Variants in UBA5 observed in about 807,000 individuals in gnomAD.
UBA5 encodes ubiquitin like modifier activating enzyme 5.
UBA5 carries 28 observed loss-of-function variants against 52.9 expected under a neutral mutation model. The ratio of observed to expected loss-of-function variants is 0.53; its 90% CI spans 0.39 to 0.73. The LOEUF (loss-of-function observed/expected upper bound fraction) is 0.73, where lower values mean the gene tolerates loss of function less well. UBA5 is among the 30% of genes least tolerant of loss of function. UBA5 has a pLI of 0.00. For missense variants in UBA5, 388 were observed against 492.7 expected (o/e 0.79, Z 2.01); for synonymous variants, 135 against 162.1 (o/e 0.83, Z 1.27).
At chr3:132,673,655 T>G (rs907282317) in intron 8 of UBA5, among the ~76,000 whole-genome samples, 3 of 150,660 alleles carry the variant, frequency 2.0e-5, no homozygotes, top group Admixed American at 6.6e-5. Context: ...GCCTAGAGTT[T>G]TCTATAGTAC....
rs1297041991 is a variant in UBA5 at position 132,675,825 on chromosome 3, C to G, written c.1033C>G (p.Leu345Val). ...TAGGATCAAATTTACAGGTATTGAGCTGGTATCTGAGGTTTCAGAAGAGGA... is the reference window on the plus strand; with the variant it reads ...TAGGATCAAATTTACAGGTATTGAGGTGGTATCTGAGGTTTCAGAAGAGGA... ...IHEDNEWGIE[L>V]VSEVSEEELK... Residue 345 changes from leucine to valine, a missense_variant, in exon 11 of 12, where the codon CTG (leucine) becomes GTG (valine). By Grantham distance (32) the Leu-to-Val change is conservative. Around this residue, in one of 3 missense-constraint regions of UBA5, gnomAD observed 277 missense variants for 326.4 expected, o/e 0.85. Coordinates refer to ENST00000356232, the MANE Select transcript of UBA5 (RefSeq NM_024818.6). The G allele has an allele frequency of 1.3e-5, 21 of 1,609,218 alleles. No homozygotes were observed. Among genetic ancestry groups the G allele is most frequent in the Non-Finnish European group, 1.8e-5 (21 of 1,178,056 alleles).
chr3:132,679,470 C>T lies in UBA5; in HGVS notation c.*2944C>T, dbSNP rs930582595. On this transcript the variant is annotated 3_prime_UTR_variant, in exon 12 of 12. Transcript: ENST00000356232. ...TTTATCTTCTTAAGTATGCATTCTACATGAGAACGTTTGGGTTGGTAGTAA... is the reference window on the plus strand; with the variant it reads ...TTTATCTTCTTAAGTATGCATTCTATATGAGAACGTTTGGGTTGGTAGTAA... Among the ~76,000 whole-genome samples the T allele has an allele frequency of 6.6e-6, 1 of 152,096 alleles. No individual in the cohort carries two copies. Among genetic ancestry groups the T allele is most frequent in the Non-Finnish European group, 1.5e-5 (1 of 68,012 alleles).
chr3:132,657,825 T>G (rs560636796), upstream of UBA5, among the ~76,000 whole-genome samples: 1 of 152,030 alleles, frequency 6.6e-6, no homozygotes, highest in African/African-American at 2.4e-5. Context: ...ATTTGTTAGC[T>G]ATCTTCTGTT....
At chr3:132,662,076 G>A (rs1349949513) in intron 1 of UBA5, among the ~76,000 whole-genome samples, 1 of 152,192 alleles carries the variant, frequency 6.6e-6, no homozygotes, top group African/African-American at 2.4e-5. Context: ...ATGAATTTAA[G>A]TTGTCTTTCA....
In UBA5 at chr3:132,660,943, T is replaced by G. The variant is rs1938128037; in HGVS notation, c.161+245T>G. The G allele has an allele frequency of 1.3e-6, 2 of 1,492,834 alleles. No homozygotes were observed. The highest frequency in any genetic ancestry group is 1.8e-6 in the Non-Finnish European group (2 of 1,122,242). 92.5% of individuals were successfully genotyped at this position (1,492,834 alleles called of 1,614,324 possible). A position where few individuals can be genotyped will look rare whatever the true frequency, so the allele number is the denominator to read the frequency against. ...TGCTCCTGTGCCTGCTGAGGACGTG[T>G]GTCCAGTTTCCTATCACCCTTGCCT... On this transcript the variant is annotated intron_variant, in intron 1 of 11. Transcript: ENST00000356232. This position sits in a 1 kb window ranked among gnomAD's most constrained non-coding sequence, Gnocchi z 4.1.
intron 1 of UBA5, among the ~76,000 whole-genome samples, chr3:132,664,919 G>A (rs919260190): frequency 1.7e-4 from 26 of 151,982 alleles, no homozygotes; most frequent in East Asian, 5.8e-4. Context: ...GAAAGTTGGC[G>A]GTTGAATTTG....
At chr3:132,671,648 A>G (rs904763386) in intron 6 of UBA5, 129 bp from the exon 7 acceptor site, 8 of 672,904 alleles carry the variant, frequency 1.2e-5, no homozygotes, top group East Asian at 1.1e-4. Flanking sequence ...TTATCTTACA[A>G]CTTGCCTCAT....
Position 132,675,592 on chromosome 3 carries a change from T to C in UBA5, c.949-13T>C. On this transcript the variant is annotated splice_polypyrimidine_tract_variant and intron_variant, in intron 9 of 11. Coordinates refer to ENST00000356232, the MANE Select transcript of UBA5 (RefSeq NM_024818.6). ...ATGAGTAAGAACACTTTGATGCTGTTTGATTTCTACAGAAAAAGGTAGCAG... is the reference window on the plus strand; with the variant it reads ...ATGAGTAAGAACACTTTGATGCTGTCTGATTTCTACAGAAAAAGGTAGCAG... The C allele has an allele frequency of 6.2e-7, 1 of 1,606,988 alleles. No individual in the cohort carries two copies. Among genetic ancestry groups the C allele is most frequent in the African/African-American group, 1.3e-5 (1 of 74,648 alleles).
intron 3 of UBA5, chr3:132,668,349 C>T (rs1424492363): frequency 6.5e-6 from 1 of 153,202 alleles, no homozygotes; most frequent in African/African-American, 2.4e-5. Context: ...TTTTAAGTTA[C>T]AGCACTTGTT....
intron 8 of UBA5, among the ~76,000 whole-genome samples, chr3:132,673,452 A>G (rs1576650725): frequency 2.6e-5 from 4 of 152,000 alleles, no homozygotes; most frequent in African/African-American, 9.7e-5. Flanking sequence ...AGCTCAAGTG[A>G]TCCTCCCACC....
chr3:132,659,872 G>T, upstream of UBA5: 1 of 1,250,944 alleles, frequency 8.0e-7, no homozygotes, highest in Non-Finnish European at 1.1e-6. Flanking sequence ...TCTGGCTCCA[G>T]CCAACCGCAC....
At chr3:132,661,931 G>T (rs1938186848) in intron 1 of UBA5, among the ~76,000 whole-genome samples, 1 of 152,194 alleles carries the variant, frequency 6.6e-6, no homozygotes, top group African/African-American at 2.4e-5. Context: ...AATTTTTAGA[G>T]ATTAAATAAG....
In UBA5 at chr3:132,676,630, T is replaced by C. The variant is rs1938852032; in HGVS notation, c.*104T>C. Reference sequence around the variant, plus strand: ...ACTTAGGGCAACATTAATTAATGTATATTCTTACCTGAATTGTTATACTTT... The same window carrying C: ...ACTTAGGGCAACATTAATTAATGTACATTCTTACCTGAATTGTTATACTTT... On this transcript the variant is annotated 3_prime_UTR_variant, in exon 12 of 12. Coordinates refer to ENST00000356232, the MANE Select transcript of UBA5 (RefSeq NM_024818.6). The surrounding 1 kb of genome is among the most constrained non-coding windows in gnomAD (Gnocchi z 4.1). 1 of 764,954 alleles carries C rather than the reference T, an allele frequency of 1.3e-6. No individual in the cohort carries two copies. Among genetic ancestry groups the C allele is most frequent in the Non-Finnish European group, 2.2e-6 (1 of 462,908 alleles). 47.4% of individuals were successfully genotyped at this position (764,954 alleles called of 1,614,324 possible).
intron 8 of UBA5, among the ~76,000 whole-genome samples, chr3:132,674,873 T>A (rs995143541): frequency 6.6e-6 from 1 of 152,364 alleles, no homozygotes; most frequent in Middle Eastern, 3.4e-3. Context: ...TTCTTAATTA[T>A]CTCAGGGATT....
chr3:132,658,551 T>C (rs1937941528), upstream of UBA5, among the ~76,000 whole-genome samples: 1 of 152,218 alleles, frequency 6.6e-6, no homozygotes, highest in Non-Finnish European at 1.5e-5. Context: ...GCAATTGAAA[T>C]AGTTGAAATT....
chr3:132,670,679 C>A (rs1938561872), intron 5 of UBA5: 2 of 239,666 alleles, frequency 8.3e-6, no homozygotes, highest in Admixed American at 1.1e-4. Flanking sequence ...AATGTGAAAG[C>A]TGGTAGTGAA....
upstream of UBA5, chr3:132,659,845 C>T: frequency 1.4e-6 from 2 of 1,443,690 alleles, no homozygotes; most frequent in African/African-American, 1.5e-5. Flanking sequence ...AGAGCATGGG[C>T]CGAGGCCGGG....
rs376417366 is a variant in UBA5, at chr3:132,662,122, T to C, written c.161+1424T>C. ...AATATGAGATGATCCCTTGACATTGTAATTATAACAAAACTTTCAGAACTC... is the reference window on the plus strand; with the variant it reads ...AATATGAGATGATCCCTTGACATTGCAATTATAACAAAACTTTCAGAACTC... On this transcript the variant is annotated intron_variant, in intron 1 of 11. Transcript: ENST00000356232. Among the ~76,000 whole-genome samples, 10 of 152,342 alleles carry C rather than the reference T, an allele frequency of 6.6e-5. No individual in the cohort carries two copies. In the South Asian group the frequency reaches 8.3e-4, roughly 13 times the overall value.
Position 132,665,860 on chromosome 3 carries a change from G to T in UBA5, c.199G>T (p.Asp67Tyr), listed in dbSNP as rs61748106. 1 of 1,613,334 alleles carries T rather than the reference G, an allele frequency of 6.2e-7. No individual in the cohort carries two copies. Among genetic ancestry groups the T allele is most frequent in the Non-Finnish European group, 8.5e-7 (1 of 1,179,474 alleles). Residue 67 changes from aspartate to tyrosine, a missense_variant, in exon 2 of 12, where the codon GAC becomes TAC. Physicochemically the swap from Asp to Tyr is radical, Grantham distance 160. Around this residue, in one of 3 missense-constraint regions of UBA5, gnomAD observed 95 missense variants for 107.0 expected, o/e 0.89. Coordinates refer to ENST00000356232, the MANE Select transcript of UBA5 (RefSeq NM_024818.6). ...MALKRMGIVS[D>Y]YEKIRTFAVA... ...ATTGAAACGAATGGGAATTGTAAGC[G>T]ACTATGAGGTATGATAAACCCTTTC... is the stretch of plus-strand genomic sequence containing the variant.
Sources: gnomAD v4.1 joint callset for allele counts (sites outside exome capture counted in the v4.1 genomes callset) on GRCh38, gnomAD v4.1.1 for gene constraint, gnomAD v4.1.1 regional missense constraint, Gnocchi (gnomAD v3.1) non-coding constraint, MANE v1.5 for transcripts, NCBI Gene and HGNC (gene_info 2026-07-23, HGNC 2026-07-21) for gene names.